Variants in TRANK1 observed in about 807,000 individuals in gnomAD.
TRANK1 encodes the protein tetratricopeptide repeat and ankyrin repeat containing 1.
Under a neutral mutation model 266.0 loss-of-function variants are expected in TRANK1, and 198 were observed. That is an observed-to-expected ratio of 0.74 (90% CI 0.66 to 0.84). The LOEUF is 0.84. TRANK1 is among the 40% of genes least tolerant of loss of function. The pLI is 0.00. For missense variants in TRANK1, 3,326 were observed against 3,634.6 expected (o/e 0.92, Z 2.18); for synonymous variants, 1,396 against 1,384.1 (o/e 1.01, Z -0.19).
chr3:36,893,020 T>C, intron 5 of TRANK1, 36 bp from the exon 6 acceptor site: 3 of 1,337,624 alleles, frequency 2.2e-6, no homozygotes, highest in South Asian at 1.4e-5. Context: ...GGAATAATAA[T>C]GTTCTCCACA....
chr3:36,924,949 C>A (rs1167046589), intron 1 of TRANK1, among the ~76,000 whole-genome samples: 1 of 152,154 alleles, frequency 6.6e-6, no homozygotes, highest in African/African-American at 2.4e-5. Flanking sequence ...TGGTAACTTG[C>A]AGAGGTGAGG....
Position 36,889,423 on chromosome 3 carries a change from G to T in TRANK1, c.907+406C>A, listed in dbSNP as rs562396943. Among the ~76,000 whole-genome samples the T allele has an allele frequency of 3.3e-5, 5 of 152,298 alleles. No individual in the cohort carries two copies. The South Asian group carries it at 1.0e-3, about 32-fold the overall frequency. The stretch of plus-strand genomic sequence containing the variant: ...AGGTATGGGAAGATGCAATCCCTGT[G>T]TTAGATTCTAAGTGCCATGAAGGCA... On this transcript the variant is annotated intron_variant, in intron 8 of 23. Transcript: ENST00000645898.
At chr3:36,861,257 A>C in intron 10 of TRANK1, 97 bp from the exon 11 acceptor site, 1 of 1,386,462 alleles carries the variant, frequency 7.2e-7, no homozygotes, top group Non-Finnish European at 9.6e-7. Context: ...ATTAACACGG[A>C]TTATATAAAC....
Position 36,861,117 on chromosome 3 carries a change from G to A in TRANK1, c.1284C>T (p.Ala428=). 6.5e-7 allele frequency: 1 copy of A among 1,537,302 alleles called. No homozygotes were observed. Among genetic ancestry groups the A allele is most frequent in the Non-Finnish European group, 8.7e-7 (1 of 1,146,902 alleles). The change falls in exon 11 of 24, where the codon GCC becomes GCT. Residue 428 remains alanine (A), a synonymous_variant. Coordinates refer to ENST00000645898, the MANE Select transcript of TRANK1 (RefSeq NM_001329998.2). ...DLVCDINQDC[A]TTVFKFLLEK... is the part of the protein sequence containing the mutation. ...CCAATAAGAATTTGAAGACGGTGGTGGCACAGTCTTGATTAATATCACAGA... is the reference window on the plus strand; with the variant it reads ...CCAATAAGAATTTGAAGACGGTGGTAGCACAGTCTTGATTAATATCACAGA...
At chr3:36,836,614 G>A (rs1190123085) in intron 20 of TRANK1, among the ~76,000 whole-genome samples, 2 of 152,170 alleles carry the variant, frequency 1.3e-5, no homozygotes, top group Non-Finnish European at 2.9e-5. Flanking sequence ...TGAAGAAGAG[G>A]ATAAACAAAA....
intron 20 of TRANK1, among the ~76,000 whole-genome samples, chr3:36,836,937 A>T (rs562883209): frequency 1.8e-4 from 27 of 152,298 alleles, no homozygotes; most frequent in South Asian, 8.3e-4. Flanking sequence ...TTCCCATCAA[A>T]GTCTTCCACT....
intron 4 of TRANK1, among the ~76,000 whole-genome samples, chr3:36,896,730 C>A (rs2079796238): frequency 6.6e-6 from 1 of 152,210 alleles, no homozygotes; most frequent in South Asian, 2.1e-4. Context: ...TGCAGTGGCT[C>A]ACACCTGTAA....
intron 1 of TRANK1, among the ~76,000 whole-genome samples, chr3:36,928,219 C>A (rs2080314954): frequency 6.6e-6 from 1 of 152,166 alleles, no homozygotes; most frequent in African/African-American, 2.4e-5. Flanking sequence ...CCGCCGTTGA[C>A]CTTGCAAAGC....
chr3:36,883,302 T>A (rs1366448458), intron 8 of TRANK1, among the ~76,000 whole-genome samples: 1 of 151,342 alleles, frequency 6.6e-6, no homozygotes, highest in Non-Finnish European at 1.5e-5. Flanking sequence ...AAAAAAATAG[T>A]GGGGCATGGT....
chr3:36,843,315 C>T (rs1352983528), intron 17 of TRANK1, among the ~76,000 whole-genome samples: 1 of 152,122 alleles, frequency 6.6e-6, no homozygotes, highest in Admixed American at 6.6e-5. Flanking sequence ...TATTCTATGG[C>T]TACAAATCAG....
At chr3:36,842,561 C>T in intron 18 of TRANK1, 61 bp downstream of exon 18, 1 of 1,461,104 alleles carries the variant, frequency 6.8e-7, no homozygotes, top group South Asian at 1.2e-5. Context: ...GATGTGAAAC[C>T]TGCCTGTGAG....
intron 1 of TRANK1, among the ~76,000 whole-genome samples, chr3:36,920,513 T>C (rs2080199843): frequency 6.6e-6 from 1 of 152,178 alleles, no homozygotes; most frequent in East Asian, 1.9e-4. Context: ...CTTAAAAAGA[T>C]GTTTATTGGA....
rs1012860635 is a variant in TRANK1, at chr3:36,826,910, C to T, written c.*1365G>A. The T allele has an allele frequency of 6.6e-6, 1 of 151,232 alleles. No individual in the cohort carries two copies. Among genetic ancestry groups the T allele is most frequent in the African/African-American group, 2.4e-5 (1 of 41,150 alleles). The allele number at this position is 151,232 out of a possible 1,614,324, so 9.4% of individuals were successfully genotyped here. A position where few individuals can be genotyped will look rare whatever the true frequency, so the allele number is the denominator to read the frequency against. ...TTTTCTGTCAAGTAAGAAAAAAAAACACCTGGAATAAAAATTAGAAACATA... is the reference window on the plus strand; with the variant it reads ...TTTTCTGTCAAGTAAGAAAAAAAAATACCTGGAATAAAAATTAGAAACATA... On this transcript the variant is annotated 3_prime_UTR_variant, in exon 24 of 24. Coordinates refer to ENST00000645898, the MANE Select transcript of TRANK1 (RefSeq NM_001329998.2).
intron 1 of TRANK1, among the ~76,000 whole-genome samples, chr3:36,924,469 T>C (rs2080260153): frequency 6.6e-6 from 1 of 152,194 alleles, no homozygotes; most frequent in African/African-American, 2.4e-5. Context: ...GGCTACATTC[T>C]AAAGCATTAA....
At chr3:36,912,290 G>C (rs748047534) in intron 1 of TRANK1, among the ~76,000 whole-genome samples, 21 of 152,128 alleles carry the variant, frequency 1.4e-4, no homozygotes, top group Non-Finnish European at 1.2e-4. Flanking sequence ...ACTTGCCACA[G>C]TCACACTGAA....
chr3:36,832,687 GATTTGTAATTTGGTT>G lies in TRANK1; in HGVS notation c.6881_6895del (p.Lys2294_Ser2299delinsThr), dbSNP rs773832158. ...CAAAGCAAATCTGTAGAACCGGAAG[GATTTGTAATTTGGTT>G]TGAGGATTTCTTTGCATGCCATGGG... On this transcript the variant is annotated inframe_deletion, in exon 22 of 24. Transcript: ENST00000645898. The G allele has an allele frequency of 4.0e-5, 65 of 1,614,026 alleles. No individual in the cohort carries two copies. Among genetic ancestry groups the G allele is most frequent in the Admixed American group, 5.0e-5 (3 of 60,030 alleles).
intron 18 of TRANK1, among the ~76,000 whole-genome samples, chr3:36,841,127 A>C (rs1424117270): frequency 6.6e-6 from 1 of 152,144 alleles, no homozygotes; most frequent in Non-Finnish European, 1.5e-5. Flanking sequence ...CATTGTCCTC[A>C]TCACTTCCCA....
chr3:36,945,031 G>A lies in TRANK1; in HGVS notation c.-222C>T. The A allele has an allele frequency of 2.1e-6, 1 of 471,940 alleles. No individual in the cohort carries two copies. Among genetic ancestry groups the A allele is most frequent in the Non-Finnish European group, 3.7e-6 (1 of 270,270 alleles). The allele number at this position is 471,940 out of a possible 1,614,324, so 29.2% of individuals were successfully genotyped here. On this transcript the variant is annotated 5_prime_UTR_variant, in exon 1 of 24. Coordinates refer to ENST00000645898, the MANE Select transcript of TRANK1 (RefSeq NM_001329998.2). ...GACGCAGGAACCCCGGCGTCCGGGCGGTGTGCAGCCGCAGACCTATTCCAA... is the reference window on the plus strand; with the variant it reads ...GACGCAGGAACCCCGGCGTCCGGGCAGTGTGCAGCCGCAGACCTATTCCAA...
intron 18 of TRANK1, 146 bp from the exon 19 acceptor site, chr3:36,838,862 G>T: frequency 1.3e-6 from 1 of 780,772 alleles, no homozygotes; most frequent in Non-Finnish European, 2.0e-6. Flanking sequence ...GGAAGGTGCA[G>T]ATATTCTAAA....
Sources: allele counts gnomAD v4.1 joint callset (sites outside exome capture counted in the v4.1 genomes callset), GRCh38; gene constraint gnomAD v4.1.1; transcripts MANE v1.5; gene names NCBI Gene and HGNC (gene_info 2026-07-23, HGNC 2026-07-21).